Variants in REV1 observed in about 807,000 individuals in gnomAD.
The protein encoded by REV1 is REV1 DNA directed polymerase.
REV1 carries 42 observed loss-of-function variants against 137.4 expected under a neutral mutation model. That is an observed-to-expected ratio of 0.31 (90% CI 0.24 to 0.40). REV1 has a LOEUF of 0.40. Ranked by LOEUF, REV1 falls within the 10% of genes least tolerant of loss-of-function variation. The pLI, the probability that REV1 is intolerant of heterozygous loss-of-function variation, is 1.00. For missense variants in REV1, 1,282 were observed against 1,490.1 expected, an observed-to-expected ratio of 0.86 and a Z score of 2.30; for synonymous variants, 524 against 519.2, an observed-to-expected ratio of 1.01 and a Z score of -0.12.
chr2:99,414,316 G>C (rs1334147071), intron 12 of REV1, among the ~76,000 whole-genome samples: 1 of 152,220 alleles, frequency 6.6e-6, no homozygotes, highest in African/African-American at 2.4e-5. Context: ...ATGTGGGTCA[G>C]ACAAGTTTAA....
intron 22 of REV1, 91 bp from the exon 23 acceptor site, chr2:99,401,443 C>CAAAA (rs528664310): frequency 1.0e-4 from 58 of 568,786 alleles, no homozygotes; most frequent in African/African-American, 2.7e-4. Flanking sequence ...TTGACTTTGG[C>CAAAA]AAAAAAAAAA....
chr2:99,435,752 T>TA (rs1029678114), intron 7 of REV1, 82 bp downstream of exon 7: 2 of 735,148 alleles, frequency 2.7e-6, no homozygotes, highest in African/African-American at 1.9e-5. Flanking sequence ...CATAATTTTT[T>TA]AAAAAAAGAT....
chr2:99,404,015 A>G (rs28382966), intron 18 of REV1, among the ~76,000 whole-genome samples, 200 bp from the exon 19 acceptor site: 2 of 152,220 alleles, frequency 1.3e-5, no homozygotes, highest in Non-Finnish European at 2.9e-5. Flanking sequence ...AAGAATAAGG[A>G]ATTAAGAGTA....
At chr2:99,484,176 A>G (rs1686909095) in intron 1 of REV1, among the ~76,000 whole-genome samples, 1 of 152,200 alleles carries the variant, frequency 6.6e-6, no homozygotes, top group South Asian at 2.1e-4. Context: ...CCAAATGATG[A>G]GAACTCATGA....
intron 4 of REV1, among the ~76,000 whole-genome samples, chr2:99,448,044 C>T (rs568137758): frequency 6.6e-6 from 1 of 152,262 alleles, no homozygotes; most frequent in African/African-American, 2.4e-5. Flanking sequence ...TACTGAACTG[C>T]CGAGTTTGGA....
chr2:99,458,239 A>G (rs1377800819), intron 3 of REV1, among the ~76,000 whole-genome samples: 1 of 152,236 alleles, frequency 6.6e-6, no homozygotes, highest in Non-Finnish European at 1.5e-5. Flanking sequence ...TATCAAAACT[A>G]AACAGTAAAA....
Position 99,438,712 on chromosome 2 carries a change from A to G in REV1, c.1102T>C (p.Leu368=). The G allele has an allele frequency of 1.2e-6, 2 of 1,614,100 alleles. No homozygotes were observed. The highest frequency in any genetic ancestry group is 1.7e-6 in the Non-Finnish European group (2 of 1,179,952). Residue 368 remains leucine, a synonymous_variant, in exon 6 of 23, where the codon TTG becomes CTG. Coordinates refer to ENST00000258428, the MANE Select transcript of REV1 (RefSeq NM_016316.4). ...TGTAGGGTATTGACAAACTCAGTCA[A>G]TTCACACTTCCACATTGATATGTGA... is the stretch of plus-strand genomic sequence containing the variant. ...LHHISMWKCE[L]TEFVNTLQRQ...
chr2:99,457,765 A>G (rs950456729), intron 3 of REV1, among the ~76,000 whole-genome samples: 5 of 152,170 alleles, frequency 3.3e-5, no homozygotes, highest in Non-Finnish European at 5.9e-5. Context: ...AACAAGTGAA[A>G]GCAATCACTC....
rs192676441 is a variant in REV1, at chr2:99,465,990, G to A, written c.-10-1005C>T. On this transcript the variant is annotated intron_variant, in intron 1 of 22. Coordinates refer to ENST00000258428, the MANE Select transcript of REV1 (RefSeq NM_016316.4). ...GGAGTCTCGCTCTGTTGCCCAGGCTGGAGTGCAGTGGCGCAATCTCGGCTC... is the reference window on the plus strand; with the variant it reads ...GGAGTCTCGCTCTGTTGCCCAGGCTAGAGTGCAGTGGCGCAATCTCGGCTC... Among the ~76,000 whole-genome samples the A allele has an allele frequency of 2.9e-3, 447 of 152,242 alleles. 4 individuals are homozygous for A. Among genetic ancestry groups the A allele is most frequent in the African/African-American group, 0.01 (426 of 41,546 alleles).
At chr2:99,424,452 A>G (rs1679078589) in intron 9 of REV1, 172 bp from the exon 10 acceptor site, 3 of 688,460 alleles carry the variant, frequency 4.4e-6, no homozygotes, top group Non-Finnish European at 7.0e-6. Context: ...TTCCCCCAAA[A>G]GTCACAACTG....
intron 3 of REV1, among the ~76,000 whole-genome samples, chr2:99,461,654 A>C (rs1303980081): frequency 6.6e-6 from 1 of 152,222 alleles, no homozygotes; most frequent in Non-Finnish European, 1.5e-5. Context: ...AATAGAGAAA[A>C]ATTTAGGCAG....
intron 1 of REV1, among the ~76,000 whole-genome samples, chr2:99,476,862 C>G (rs1686034762): frequency 2.0e-5 from 3 of 152,210 alleles, no homozygotes; most frequent in Admixed American, 2.0e-4. Context: ...ACTTCGCTGG[C>G]AGAGGATAAC....
At chr2:99,479,683 G>A (rs896803894) in intron 1 of REV1, among the ~76,000 whole-genome samples, 2 of 151,908 alleles carry the variant, frequency 1.3e-5, no homozygotes, top group African/African-American at 4.8e-5. Flanking sequence ...CTGTAGTCAG[G>A]AGGCTGAGGT....
chr2:99,438,078 A>T (rs1192439617), intron 6 of REV1, among the ~76,000 whole-genome samples: 4 of 152,236 alleles, frequency 2.6e-5, no homozygotes, highest in African/African-American at 7.2e-5. Flanking sequence ...CTGTGTGTGC[A>T]TTTGTTTTTG....
At chr2:99,426,335 G>A (rs1325529645) in intron 9 of REV1, among the ~76,000 whole-genome samples, 4 of 143,468 alleles carry the variant, frequency 2.8e-5, no homozygotes, top group African/African-American at 7.8e-5. Context: ...CAACAAGAGC[G>A]AAATTCTATC....
intron 17 of REV1, 37 bp from the exon 18 acceptor site, chr2:99,404,714 C>T: frequency 7.0e-7 from 1 of 1,434,610 alleles, no homozygotes; most frequent in Non-Finnish European, 9.7e-7. Context: ...GAAGTTAAAG[C>T]ATGCTCAGAG....
rs549798949 is a variant in REV1, at chr2:99,449,365, T to C, written c.321A>G (p.Lys107=). ...NAKIKELKGE[K]VIRPEWIVES... ...CCACAATCCATTCTGGTCGAATTAC[T>C]TTTTCCCCCTTTAATTCTTTAATTT... Residue 107 remains lysine (K), a synonymous_variant, in exon 4 of 23, where the codon AAA becomes AAG. Transcript: ENST00000258428. 1.3e-4 allele frequency: 195 copies of C among 1,551,764 alleles called. 1 individual carries two copies. The South Asian group carries it at 2.1e-3, about 17-fold the overall frequency.
At position 99,401,124 on chromosome 2, in the gene REV1, G is replaced by C. The variant is rs1420419155; in HGVS notation, c.*117C>G. 1 of 552,310 alleles carries C rather than the reference G, an allele frequency of 1.8e-6. No individual in the cohort carries two copies. Among genetic ancestry groups the C allele is most frequent in the Non-Finnish European group, 3.1e-6 (1 of 320,610 alleles). The allele number at this position is 552,310 out of a possible 1,614,324, so 34.2% of individuals were successfully genotyped here. A position where few individuals can be genotyped will look rare whatever the true frequency, so the allele number is the denominator to read the frequency against. ...TTGAAAAGAAATGTACAAAACACTTGCTTTAAAAGAAATTTAAAATTATAA... is the reference window on the plus strand; with the variant it reads ...TTGAAAAGAAATGTACAAAACACTTCCTTTAAAAGAAATTTAAAATTATAA... On this transcript the variant is annotated 3_prime_UTR_variant, in exon 23 of 23. Transcript: ENST00000258428.
intron 15 of REV1, among the ~76,000 whole-genome samples, chr2:99,407,561 A>C (rs1289473314): frequency 6.6e-6 from 1 of 151,874 alleles, no homozygotes; most frequent in Non-Finnish European, 1.5e-5. Flanking sequence ...AAAAAAAAAA[A>C]ACCCCACACA....
Sources: gnomAD v4.1 joint callset for allele counts (sites outside exome capture counted in the v4.1 genomes callset) on GRCh38, gnomAD v4.1.1 for gene constraint, MANE v1.5 for transcripts, NCBI Gene and HGNC (gene_info 2026-07-23, HGNC 2026-07-21) for gene names.